Variants in SORCS2 observed in about 807,000 individuals in gnomAD.
SORCS2 encodes sortilin related VPS10 domain containing receptor 2.
A neutral mutation model predicts 141.6 loss-of-function variants in SORCS2; 100 were observed. That is an observed-to-expected ratio of 0.71 (90% confidence interval 0.60 to 0.83). The LOEUF (loss-of-function observed/expected upper bound fraction) is 0.83, where lower values mean the gene tolerates loss of function less well. SORCS2 is among the 40% of genes least tolerant of loss of function. The probability of loss-of-function intolerance (pLI) is 0.00; values close to 1 mark genes in which losing one functional copy is unlikely to be tolerated. For missense variants in SORCS2, 1,646 were observed against 1,560.2 expected, an observed-to-expected ratio of 1.05 and a Z score of -0.93; for synonymous variants, 789 against 676.9, an observed-to-expected ratio of 1.17 and a Z score of -2.57.
intron 8 of SORCS2, among the ~76,000 whole-genome samples, chr4:7,673,610 C>T (rs984718265): frequency 6.6e-6 from 1 of 152,174 alleles, no homozygotes; most frequent in African/African-American, 2.4e-5. Context: ...CATTTGAAAA[C>T]GCTGGTGCGA....
At chr4:7,415,601 T>C (rs1323137476) in intron 2 of SORCS2, among the ~76,000 whole-genome samples, 9 of 152,222 alleles carry the variant, frequency 5.9e-5, no homozygotes, top group Admixed American at 2.0e-4. Context: ...GGTAAGGTAA[T>C]ATGCTTGCGC....
In SORCS2 at chr4:7,556,563, C is replaced by G. The variant is rs115593152; in HGVS notation, c.648+24934C>G. On this transcript the variant is annotated intron_variant, in intron 3 of 26. Coordinates refer to ENST00000507866, the MANE Select transcript of SORCS2 (RefSeq NM_020777.3). ...GTCTTGGGCTCATGGGAAATCTGCA[C>G]AAAGTTCACTTTTCATAAGAGTATA... Among the ~76,000 whole-genome samples, 1,452 of 152,250 alleles carry G rather than the reference C, an allele frequency of 9.5e-3. 21 individuals are homozygous for G. Among genetic ancestry groups the G allele is most frequent in the African/African-American group, 0.032 (1,340 of 41,520 alleles).
rs370009519 is a variant in SORCS2, at chr4:7,647,545, G to C, written c.814-6589G>C. Among the ~76,000 whole-genome samples, 358 of 152,332 alleles carry C rather than the reference G, an allele frequency of 2.4e-3. 3 individuals are homozygous for C. Among genetic ancestry groups the C allele is most frequent in the African/African-American group, 7.8e-3 (325 of 41,558 alleles). On this transcript the variant is annotated intron_variant, in intron 4 of 26. Coordinates refer to ENST00000507866, the MANE Select transcript of SORCS2 (RefSeq NM_020777.3). ...GCCCTGTCTGCTTTTCTTCAGCTGA[G>C]GGGAAGAGAGAAGGGACGTTTGCTG... is the stretch of plus-strand genomic sequence containing the variant.
At chr4:7,433,338 G>A (rs1437509502) in intron 2 of SORCS2, 1 of 1,426,276 alleles carries the variant, frequency 7.0e-7, no homozygotes, top group East Asian at 2.6e-5. Context: ...CAGCGTGGAG[G>A]TGCATCTCTT....
At chr4:7,472,918 T>TAAAA (rs71175405) in intron 2 of SORCS2, among the ~76,000 whole-genome samples, 7 of 147,084 alleles carry the variant, frequency 4.8e-5, no homozygotes, top group Admixed American at 1.4e-4. Flanking sequence ...GTGTTCATCA[T>TAAAA]AAAAAAAAAA....
intron 1 of SORCS2, among the ~76,000 whole-genome samples, chr4:7,361,898 G>A (rs1019901581): frequency 2.0e-5 from 3 of 151,864 alleles, no homozygotes; most frequent in South Asian, 2.1e-4. Flanking sequence ...AGTGAGAAGC[G>A]GTGGGGGGGA....
intron 2 of SORCS2, among the ~76,000 whole-genome samples, chr4:7,403,998 T>TA (rs59841056): frequency 0.053 from 618 of 11,770 alleles, 3 homozygotes; most frequent in African/African-American, 0.12. Context: ...TATATATATA[T>TA]TTTTTTTTTT....
intron 3 of SORCS2, among the ~76,000 whole-genome samples, chr4:7,539,612 A>C (rs1577717257): frequency 1.3e-5 from 2 of 148,846 alleles, no homozygotes; most frequent in African/African-American, 2.5e-5. Flanking sequence ...TCTCTGTCTC[A>C]CTCTCTTCCC....
In SORCS2 at chr4:7,233,817, TGG is replaced by T. The variant is rs1482874742; in HGVS notation, c.480+40692_480+40693del. Among the ~76,000 whole-genome samples the T allele has an allele frequency of 6.6e-6, 1 of 152,182 alleles. No individual in the cohort carries two copies. The highest frequency in any genetic ancestry group is 2.4e-5 in the African/African-American group (1 of 41,430). On this transcript the variant is annotated intron_variant, in intron 1 of 26. Coordinates refer to ENST00000507866, the MANE Select transcript of SORCS2 (RefSeq NM_020777.3). The surrounding 1 kb of genome is among the most constrained non-coding windows in gnomAD (Gnocchi z 4.5). ...TTTCCTGTCTGTAAAATGGGTGCCGTGGTGCAAACATCAGAGGGTGGTGGGGA... is the reference window on the plus strand; with the variant it reads ...TTTCCTGTCTGTAAAATGGGTGCCGTTGCAAACATCAGAGGGTGGTGGGGA...
At chr4:7,650,355 C>T (rs1202992462) in intron 4 of SORCS2, among the ~76,000 whole-genome samples, 1 of 152,172 alleles carries the variant, frequency 6.6e-6, no homozygotes, top group Non-Finnish European at 1.5e-5. Context: ...AGGCGGTGAT[C>T]GCGACAGAAC....
chr4:7,426,164 G>T (rs2109206618), intron 2 of SORCS2, among the ~76,000 whole-genome samples: 1 of 152,368 alleles, frequency 6.6e-6, no homozygotes, highest in South Asian at 2.1e-4. Context: ...CAGAGGAGAA[G>T]GTGGGGAGGC....
chr4:7,193,269 C>A lies in SORCS2; in HGVS notation c.480+143C>A. ...GGCGACTTGGGCACTTGGGTCACCT[C>A]GGCCGCGCCCCTACTGGCCTCTGGT... is the stretch of plus-strand genomic sequence containing the variant. On this transcript the variant is annotated intron_variant, in intron 1 of 26. Transcript: ENST00000507866. The surrounding 1 kb of genome is among the most constrained non-coding windows in gnomAD (Gnocchi z 4.8). 1 of 1,113,920 alleles carries A rather than the reference C, an allele frequency of 9.0e-7. No individual in the cohort carries two copies. Among genetic ancestry groups the A allele is most frequent in the Non-Finnish European group, 1.2e-6 (1 of 860,788 alleles). The allele number at this position is 1,113,920 out of a possible 1,614,324, so 69.0% of individuals were successfully genotyped here. A position where few individuals can be genotyped will look rare whatever the true frequency, so the allele number is the denominator to read the frequency against.
At chr4:7,409,214 CT>C (rs1350356998) in intron 2 of SORCS2, among the ~76,000 whole-genome samples, 1 of 152,174 alleles carries the variant, frequency 6.6e-6, no homozygotes, top group Admixed American at 6.5e-5. Flanking sequence ...GTTAAAGATT[CT>C]TTACTGCTAG....
At chr4:7,722,575 C>T (rs534153433) in intron 18 of SORCS2, among the ~76,000 whole-genome samples, 3 of 152,278 alleles carry the variant, frequency 2.0e-5, no homozygotes, top group South Asian at 4.1e-4. Flanking sequence ...TTCACCTCCA[C>T]GCAGCCTCTG....
chr4:7,583,538 G>T (rs929939777), intron 3 of SORCS2, among the ~76,000 whole-genome samples: 1 of 152,152 alleles, frequency 6.6e-6, no homozygotes, highest in African/African-American at 2.4e-5. Context: ...TGTGGGAGGG[G>T]CCCAGTGGGA....
At chr4:7,264,614 G>A (rs1012223177) in intron 1 of SORCS2, among the ~76,000 whole-genome samples, 20 of 152,232 alleles carry the variant, frequency 1.3e-4, no homozygotes, top group Admixed American at 1.2e-3. Context: ...TGTGTGGCCC[G>A]TTTAATTGAG....
chr4:7,454,524 TG>T, intron 2 of SORCS2, among the ~76,000 whole-genome samples: 1 of 114,742 alleles, frequency 8.7e-6, no homozygotes, highest in African/African-American at 3.5e-5. Context: ...GATGCTGTGT[TG>T]GGGTCAGCTG....
intron 3 of SORCS2, among the ~76,000 whole-genome samples, chr4:7,562,671 C>T (rs1326829500): frequency 2.0e-5 from 3 of 152,250 alleles, no homozygotes; most frequent in East Asian, 3.9e-4. Context: ...GTAACAGAAA[C>T]GTATTCTCAC....
intron 2 of SORCS2, among the ~76,000 whole-genome samples, chr4:7,429,363 A>G (rs1310678983): frequency 6.6e-6 from 1 of 152,186 alleles, no homozygotes; most frequent in Non-Finnish European, 1.5e-5. Flanking sequence ...GCATTTGGCT[A>G]ATTTACCAGG....
Sources: gnomAD v4.1 joint callset for allele counts (sites outside exome capture counted in the v4.1 genomes callset) on GRCh38, gnomAD v4.1.1 for gene constraint, Gnocchi (gnomAD v3.1) non-coding constraint, MANE v1.5 for transcripts, NCBI Gene and HGNC (gene_info 2026-07-23, HGNC 2026-07-21) for gene names.